FMN2: variants seen among roughly 807,000 people sequenced by gnomAD.
FMN2 encodes the protein formin 2.
FMN2 carries 51 observed loss-of-function variants against 142.3 expected under a neutral mutation model. The ratio of observed to expected loss-of-function variants is 0.36; its 90% CI spans 0.29 to 0.45. FMN2 has a LOEUF of 0.45. FMN2 is among the 20% of genes least tolerant of loss of function. The pLI, the probability that FMN2 is intolerant of heterozygous loss-of-function variation, is 1.00. For missense variants in FMN2, 1,936 were observed against 2,122.8 expected (o/e 0.91, Z 1.73); for synonymous variants, 882 against 869.8 (o/e 1.01, Z -0.25).
intron 15 of FMN2, among the ~76,000 whole-genome samples, chr1:240,407,863 A>G (rs1674265127): frequency 6.6e-6 from 1 of 152,188 alleles, no homozygotes; most frequent in South Asian, 2.1e-4. Context: ...CAATGAAAAT[A>G]TGTTTTAATC....
At chr1:240,097,944 T>A (rs954606718) in intron 1 of FMN2, among the ~76,000 whole-genome samples, 1 of 152,112 alleles carries the variant, frequency 6.6e-6, no homozygotes, top group Non-Finnish European at 1.5e-5. Flanking sequence ...ATCCAGGATA[T>A]GTCCTTAGAA....
chr1:240,304,847 A>G (rs1670326148), intron 8 of FMN2, among the ~76,000 whole-genome samples: 1 of 152,224 alleles, frequency 6.6e-6, no homozygotes, highest in Non-Finnish European at 1.5e-5. Flanking sequence ...AGTGGGGGAT[A>G]GGTAGCTGCT....
intron 13 of FMN2, among the ~76,000 whole-genome samples, chr1:240,344,533 C>T (rs546177434): frequency 6.6e-6 from 1 of 152,256 alleles, no homozygotes; most frequent in African/African-American, 2.4e-5. Context: ...CAACATTTTT[C>T]AGTATTCTTT....
At chr1:240,222,534 C>A (rs1199769801) in intron 6 of FMN2, among the ~76,000 whole-genome samples, 5 of 151,640 alleles carry the variant, frequency 3.3e-5, no homozygotes, top group Non-Finnish European at 7.4e-5. Flanking sequence ...TGAAGGAAGT[C>A]AATGGTAGCT....
rs186557167 is a variant in FMN2, at chr1:240,426,718, C to T, written c.4911-11343C>T. Among the ~76,000 whole-genome samples, 540 of 152,170 alleles carry T rather than the reference C, an allele frequency of 3.5e-3. 2 individuals carry two copies. The highest frequency in any genetic ancestry group is 5.6e-3 in the Non-Finnish European group (383 of 68,008). On this transcript the variant is annotated intron_variant, in intron 15 of 17. Transcript: ENST00000319653. ...TCCATATATATTTTAGTATGTTTCT[C>T]TAAAAGATACCCTTTTATTTTATTT...
At chr1:240,398,163 CT>C (rs890625021) in intron 15 of FMN2, among the ~76,000 whole-genome samples, 12 of 151,584 alleles carry the variant, frequency 7.9e-5, no homozygotes, top group South Asian at 2.1e-4. Flanking sequence ...ACCCAGCTAA[CT>C]TTTTTTTTCT....
chr1:240,473,214 TCGG>T lies in FMN2; in HGVS notation c.5142+763_5142+765del, dbSNP rs1484777389. ...GACCCCGTTTATATCCACAGATGGC[TCGG>T]CAGAGTTGGCTGCCGGAGAGTGGTC... On this transcript the variant is annotated intron_variant, in intron 17 of 17. Coordinates refer to ENST00000319653, the MANE Select transcript of FMN2 (RefSeq NM_020066.5). The surrounding 1 kb of genome is among the most constrained non-coding windows in gnomAD (Gnocchi z 4.3). Among the ~76,000 whole-genome samples, 1 of 152,144 alleles carries T rather than the reference TCGG, an allele frequency of 6.6e-6. No homozygotes were observed. Among genetic ancestry groups the T allele is most frequent in the Non-Finnish European group, 1.5e-5 (1 of 68,030 alleles).
intron 7 of FMN2, among the ~76,000 whole-genome samples, chr1:240,266,478 T>C (rs1406146071): frequency 6.6e-6 from 1 of 152,092 alleles, no homozygotes; most frequent in Non-Finnish European, 1.5e-5. Context: ...TTTGCTTTTC[T>C]GTTCCTGCCT....
At chr1:240,151,621 A>G (rs1221884765) in intron 2 of FMN2, among the ~76,000 whole-genome samples, 1 of 152,134 alleles carries the variant, frequency 6.6e-6, no homozygotes, top group African/African-American at 2.4e-5. Context: ...TGCTTAAGAA[A>G]ATCTTTATGA....
At chr1:240,100,351 C>T (rs975754701) in intron 1 of FMN2, among the ~76,000 whole-genome samples, 1 of 152,070 alleles carries the variant, frequency 6.6e-6, no homozygotes, top group African/African-American at 2.4e-5. Context: ...TAAGTACTAA[C>T]CTAATGCTAA....
At chr1:240,383,006 A>G (rs1409475426) in intron 14 of FMN2, among the ~76,000 whole-genome samples, 5 of 152,128 alleles carry the variant, frequency 3.3e-5, no homozygotes, top group South Asian at 4.1e-4. Flanking sequence ...GAAATAAACA[A>G]TGAGTAAAGG....
At chr1:240,340,435 A>AC (rs1671707635) in intron 13 of FMN2, among the ~76,000 whole-genome samples, 1 of 151,892 alleles carries the variant, frequency 6.6e-6, no homozygotes. Context: ...ATAAAAATGA[A>AC]CCGGGCATGG....
chr1:240,164,963 C>T (rs926604912), intron 2 of FMN2, among the ~76,000 whole-genome samples: 1 of 151,944 alleles, frequency 6.6e-6, no homozygotes, highest in African/African-American at 2.4e-5. Context: ...ATCTTTTATC[C>T]TCTTATTTTT....
chr1:240,352,844 T>C (rs967450545), intron 13 of FMN2, among the ~76,000 whole-genome samples: 2 of 152,202 alleles, frequency 1.3e-5, no homozygotes, highest in Non-Finnish European at 2.9e-5. Context: ...CGTGAGGCTG[T>C]CGTAAATGAT....
chr1:240,373,776 CCAAA>C (rs1672950005), intron 14 of FMN2, among the ~76,000 whole-genome samples: 2 of 152,188 alleles, frequency 1.3e-5, no homozygotes, highest in African/African-American at 2.4e-5. Flanking sequence ...CTCACTTCTT[CCAAA>C]CTTCTGTTAA....
At chr1:240,150,002 G>T (rs377729361) in intron 2 of FMN2, among the ~76,000 whole-genome samples, 1 of 152,116 alleles carries the variant, frequency 6.6e-6, no homozygotes, top group East Asian at 1.9e-4. Flanking sequence ...AAATGCTAAT[G>T]TTGATTAAGT....
intron 6 of FMN2, among the ~76,000 whole-genome samples, chr1:240,235,453 C>T (rs956168234): frequency 4.0e-5 from 6 of 149,212 alleles, no homozygotes. Context: ...TCTCTGTTTT[C>T]CAGGCTGGAG....
intron 2 of FMN2, among the ~76,000 whole-genome samples, chr1:240,126,026 TAA>T (rs2103224462): frequency 6.6e-6 from 1 of 152,256 alleles, no homozygotes; most frequent in East Asian, 1.9e-4. Context: ...AGAAGAAAAT[TAA>T]AGATACTCTT....
At chr1:240,227,143 T>C (rs1011595335) in intron 6 of FMN2, among the ~76,000 whole-genome samples, 27 of 152,216 alleles carry the variant, frequency 1.8e-4, no homozygotes, top group African/African-American at 5.5e-4. Context: ...AATCTAATTG[T>C]ATTTCTAGAC....
Sources: gnomAD v4.1 joint callset for allele counts (sites outside exome capture counted in the v4.1 genomes callset) on GRCh38, gnomAD v4.1.1 for gene constraint, Gnocchi (gnomAD v3.1) non-coding constraint, MANE v1.5 for transcripts, NCBI Gene and HGNC (gene_info 2026-07-23, HGNC 2026-07-21) for gene names.